The following LVRN variants were observed in gnomAD, a reference collection of about 807,000 sequenced individuals.
The protein encoded by LVRN is aminopeptidase Q.
Under a neutral mutation model 111.4 loss-of-function variants are expected in LVRN, and 99 were observed. The observed-to-expected ratio is 0.89, with a 90% CI of 0.76 to 1.05. The LOEUF is 1.05. Among genes scored for constraint, LVRN ranks in the 50% least tolerant of loss-of-function variants. The pLI is 0.00. For synonymous variants in LVRN, 488 were observed against 449.5 expected (o/e 1.09, Z -1.08); for missense variants, 1,414 against 1,206.8 (o/e 1.17, Z -2.54).
At chr5:116,015,111 A>G in intron 16 of LVRN, 141 bp from the exon 17 acceptor site, 1 of 554,390 alleles carries the variant, frequency 1.8e-6, no homozygotes, top group Non-Finnish European at 2.9e-6. Flanking sequence ...GACAGTTCTG[A>G]TAATTGCCTC....
At chr5:116,025,945 T>C (rs1201841043) in intron 19 of LVRN, 33 bp from the exon 20 acceptor site, 1 of 1,611,238 alleles carries the variant, frequency 6.2e-7, no homozygotes, top group Admixed American at 1.7e-5. Context: ...GGAAGTTGGA[T>C]TGCACTGATC....
chr5:115,971,344 A>G (rs950893573), intron 1 of LVRN, among the ~76,000 whole-genome samples: 8 of 152,146 alleles, frequency 5.3e-5, no homozygotes, highest in African/African-American at 1.7e-4. Flanking sequence ...AATGAAGTTC[A>G]GTTTATCAAT....
intron 1 of LVRN, 95 bp from the exon 2 acceptor site, chr5:115,983,192 A>T: frequency 2.2e-6 from 3 of 1,366,134 alleles, no homozygotes; most frequent in Non-Finnish European, 2.9e-6. Flanking sequence ...CCTCTAACAC[A>T]CCAGGCTAAC....
At chr5:115,986,852 T>G (rs778994233) in intron 3 of LVRN, among the ~76,000 whole-genome samples, 3 of 152,212 alleles carry the variant, frequency 2.0e-5, no homozygotes, top group Non-Finnish European at 4.4e-5. Context: ...GTAAATACTG[T>G]GATTCTTTCA....
At chr5:116,002,744 G>T in intron 10 of LVRN, 91 bp from the exon 11 acceptor site, 1 of 903,376 alleles carries the variant, frequency 1.1e-6, no homozygotes, top group East Asian at 2.7e-5. Context: ...ACTGAGTTCT[G>T]TGTGCTATTT....
At chr5:116,010,655 A>G (rs1285609882) in intron 13 of LVRN, 86 bp from the exon 14 acceptor site, 28 of 1,396,948 alleles carry the variant, frequency 2.0e-5, no homozygotes, top group African/African-American at 4.3e-5. Flanking sequence ...GAAGTCATGC[A>G]TTGAAACATG....
chr5:116,019,045 T>C (rs1030665014), intron 18 of LVRN, among the ~76,000 whole-genome samples: 4 of 152,166 alleles, frequency 2.6e-5, no homozygotes, highest in African/African-American at 9.7e-5. Context: ...GATTTAGTCA[T>C]TGTGTGAACA....
chr5:115,972,728 T>G (rs1392554070), intron 1 of LVRN, among the ~76,000 whole-genome samples: 1 of 152,076 alleles, frequency 6.6e-6, no homozygotes, highest in Non-Finnish European at 1.5e-5. Context: ...ATTTTTCCTA[T>G]AAGGTTTTTT....
In LVRN at chr5:115,978,802, C is replaced by T. The variant is rs181586299; in HGVS notation, c.696-4485C>T. On this transcript the variant is annotated intron_variant, in intron 1 of 19. Transcript: ENST00000357872. ...CTTGATAGCTGCTATTTTGATTCCA[C>T]GGGAGTCCATGGGGCTGGGGGTGAC... 2.6e-5 allele frequency among the ~76,000 whole-genome samples: 4 copies of T among 152,146 alleles called. No individual in the cohort carries two copies. The East Asian group carries it at 5.8e-4, about 22-fold the overall frequency.
intron 14 of LVRN, 24 bp downstream of exon 14, chr5:116,010,918 GT>G: frequency 6.7e-7 from 1 of 1,498,748 alleles, no homozygotes; most frequent in Non-Finnish European, 8.9e-7. Context: ...TTCTTATGTA[GT>G]TTTTAAATAA....
intron 1 of LVRN, among the ~76,000 whole-genome samples, chr5:115,970,376 A>G (rs1753296518): frequency 1.3e-5 from 2 of 149,806 alleles, no homozygotes; most frequent in Non-Finnish European, 3.0e-5. Context: ...ATTACTTTGA[A>G]ATACATTCTT....
chr5:116,005,205 G>T (rs568034575), intron 12 of LVRN, among the ~76,000 whole-genome samples: 111 of 152,180 alleles, frequency 7.3e-4, no homozygotes, highest in Non-Finnish European at 1.5e-3. Context: ...AACTTGACTT[G>T]CTCGGACCCT....
In LVRN at chr5:116,000,425, T is replaced by C. The variant is rs376099320; in HGVS notation, c.1516-8T>C. On this transcript the variant is annotated splice_polypyrimidine_tract_variant and splice_region_variant and intron_variant, in intron 7 of 19. Transcript: ENST00000357872. ...TGTTCAAATAATGGACAGCTTCTTT[T>C]GTCCTAGGGAGCGTCTATGGCCCGG... 1.6e-3 allele frequency: 2,514 copies of C among 1,614,000 alleles called. 4 individuals are homozygous for C. Among genetic ancestry groups the C allele is most frequent in the Non-Finnish European group, 1.3e-3 (1,485 of 1,179,834 alleles).
chr5:116,025,664 C>A (rs983936458), intron 19 of LVRN, among the ~76,000 whole-genome samples: 18 of 152,244 alleles, frequency 1.2e-4, no homozygotes, highest in Middle Eastern at 3.4e-3. Flanking sequence ...TCTCTGTCTG[C>A]AAATCTTAGA....
At chr5:115,968,076 A>G (rs1447369000) in intron 1 of LVRN, among the ~76,000 whole-genome samples, 4 of 152,044 alleles carry the variant, frequency 2.6e-5, no homozygotes, top group Admixed American at 2.0e-4. Context: ...TCTGCCATTT[A>G]TTTTCTTTTC....
At chr5:116,007,283 C>G (rs1748394955) in intron 13 of LVRN, among the ~76,000 whole-genome samples, 2 of 152,176 alleles carry the variant, frequency 1.3e-5, no homozygotes, top group African/African-American at 2.4e-5. Flanking sequence ...TCCTGACATT[C>G]AAGGATCTTC....
Position 115,968,596 on chromosome 5 carries a change from C to G in LVRN, c.695+5284C>G, listed in dbSNP as rs1269944829. 2.0e-5 allele frequency among the ~76,000 whole-genome samples: 3 copies of G among 151,996 alleles called. No individual in the cohort carries two copies. In the South Asian group the frequency reaches 6.2e-4, roughly 31 times the overall value. On this transcript the variant is annotated intron_variant, in intron 1 of 19. Transcript: ENST00000357872. ...TAGAAGGACAGTTGCCCATCTGGTC[C>G]CCCACCCTTTTTGATAAGAGCCCTT... is the stretch of plus-strand genomic sequence containing the variant.
chr5:115,987,052 T>C (rs1747886056), intron 3 of LVRN, among the ~76,000 whole-genome samples: 6 of 152,142 alleles, frequency 3.9e-5, no homozygotes. Context: ...TTTTAGAGTT[T>C]ACAATACTTT....
intron 14 of LVRN, among the ~76,000 whole-genome samples, chr5:116,011,917 G>C (rs1748497973): frequency 6.6e-6 from 1 of 152,096 alleles, no homozygotes; most frequent in South Asian, 2.1e-4. Flanking sequence ...TAGGGCTTCA[G>C]TGTGTCCAGG....
Sources: allele counts gnomAD v4.1 joint callset (sites outside exome capture counted in the v4.1 genomes callset), GRCh38; gene constraint gnomAD v4.1.1; transcripts MANE v1.5; gene names NCBI Gene and HGNC (gene_info 2026-07-23, HGNC 2026-07-21).